The following SEC16B variants were observed in gnomAD, a reference collection of about 807,000 sequenced individuals.
SEC16B encodes the protein protein transport protein Sec16B.
A neutral mutation model predicts 141.8 loss-of-function variants in SEC16B; 115 were observed. That is an observed-to-expected ratio of 0.81 (90% CI 0.70 to 0.95). SEC16B has a LOEUF of 0.95. Among genes scored for constraint, SEC16B ranks in the 40% least tolerant of loss-of-function variants. The pLI, the probability that SEC16B is intolerant of heterozygous loss-of-function variation, is 0.00. For missense variants in SEC16B, 1,291 were observed against 1,312.3 expected (o/e 0.98, Z 0.25); for synonymous variants, 493 against 492.5 (o/e 1.00, Z -0.01).
intron 10 of SEC16B, among the ~76,000 whole-genome samples, chr1:177,957,108 A>T (rs565731546): frequency 1.3e-5 from 2 of 152,322 alleles, no homozygotes; most frequent in East Asian, 3.9e-4. Context: ...TGGTGTATAT[A>T]TAAAGAACCT....
intron 24 of SEC16B, among the ~76,000 whole-genome samples, chr1:177,931,211 G>A (rs9970545): frequency 0.017 from 2,543 of 152,154 alleles, 79 homozygotes; most frequent in African/African-American, 0.055. Context: ...AAGAAAATGC[G>A]GTATACGTAT....
At chr1:177,931,338 A>G (rs989454316) in intron 24 of SEC16B, among the ~76,000 whole-genome samples, 1 of 152,180 alleles carries the variant, frequency 6.6e-6, no homozygotes, top group Non-Finnish European at 1.5e-5. Flanking sequence ...ACCGAAAACC[A>G]TATGTTCTCA....
At position 177,961,687 on chromosome 1, in the gene SEC16B, A is replaced by G. The variant is rs201674055; in HGVS notation, c.690T>C (p.Gly230=). 13 of 1,613,954 alleles carry G rather than the reference A, an allele frequency of 8.1e-6. No individual in the cohort carries two copies. In the African/African-American group the frequency reaches 1.5e-4, roughly 18 times the overall value. The change falls in exon 6 of 26, where the codon GGT becomes GGC. Residue 230 remains glycine (G), a synonymous_variant. Transcript: ENST00000308284. ...ESNLLQQRES[G]LSSSSYELSQ... is the part of the protein sequence containing the mutation. The stretch of plus-strand genomic sequence containing the variant: ...TGAGCTCATAGCTGCTGGAGCTGAG[A>G]CCAGACTCACGCTGCTGGAGAAGGT...
chr1:177,949,327 A>T (rs1036177293), intron 12 of SEC16B, among the ~76,000 whole-genome samples: 5 of 151,010 alleles, frequency 3.3e-5, no homozygotes, highest in Admixed American at 1.3e-4. Context: ...ATGTAAGCCA[A>T]ACTGCTTCTT....
intron 12 of SEC16B, among the ~76,000 whole-genome samples, chr1:177,948,166 C>T (rs1214475218): frequency 6.6e-6 from 1 of 152,164 alleles, no homozygotes; most frequent in Non-Finnish European, 1.5e-5. Context: ...TACATACATA[C>T]ATTCACAGGG....
upstream of SEC16B, among the ~76,000 whole-genome samples, chr1:177,970,436 C>T (rs986828380): frequency 6.6e-6 from 1 of 152,216 alleles, no homozygotes; most frequent in African/African-American, 2.4e-5. Flanking sequence ...GGTAAAGCAG[C>T]ACATGATATA....
chr1:177,932,992 C>G (rs1488650262), intron 22 of SEC16B, among the ~76,000 whole-genome samples, 186 bp from the exon 23 acceptor site: 1 of 152,192 alleles, frequency 6.6e-6, no homozygotes, highest in Non-Finnish European at 1.5e-5. Context: ...TACTGCTGAC[C>G]CTCTAAAGTT....
intron 2 of SEC16B, among the ~76,000 whole-genome samples, chr1:177,967,430 C>G (rs1653618967): frequency 6.6e-6 from 1 of 152,174 alleles, no homozygotes; most frequent in Non-Finnish European, 1.5e-5. Flanking sequence ...CCTCCCCAAG[C>G]CCCCATACCC....
chr1:177,933,125 G>A, intron 22 of SEC16B, 89 bp downstream of exon 22: 2 of 1,055,748 alleles, frequency 1.9e-6, no homozygotes, highest in East Asian at 2.6e-5. Context: ...GTAGACTCAG[G>A]TGCCAGCTCT....
chr1:177,958,282 C>CACTTGT lies in SEC16B; in HGVS notation c.1214_1215insACAAGT (p.Val405_Ala406insGlnVal). On this transcript the variant is annotated inframe_insertion, in exon 10 of 26. Transcript: ENST00000308284. ...CATCGGTCAGGTTGATGAGGTTGGC[C>CACTTGT]ACAGGGGGCTGCCGCTTGTACTTCT... is the stretch of plus-strand genomic sequence containing the variant. The CACTTGT allele has an allele frequency of 6.2e-7, 1 of 1,610,586 alleles. No individual in the cohort carries two copies.
upstream of SEC16B, among the ~76,000 whole-genome samples, chr1:177,972,571 T>C (rs1218261050): frequency 6.6e-6 from 1 of 152,148 alleles, no homozygotes; most frequent in Non-Finnish European, 1.5e-5. Flanking sequence ...GTCCTCATAC[T>C]TGATTCCTGC....
chr1:177,978,644 C>T (rs550057286), intron 1 of SEC16B, among the ~76,000 whole-genome samples: 189 of 151,880 alleles, frequency 1.2e-3, no homozygotes, highest in African/African-American at 4.4e-3. Context: ...TTCAAAGTTG[C>T]AGTGAACTAT....
At chr1:177,944,770 T>C in intron 14 of SEC16B, 104 bp from the exon 15 acceptor site, 4 of 923,056 alleles carry the variant, frequency 4.3e-6, no homozygotes, top group Non-Finnish European at 5.1e-6. Context: ...ATGGGGGAGT[T>C]TCCATCCTGG....
upstream of SEC16B, among the ~76,000 whole-genome samples, chr1:177,970,734 C>T (rs1653905224): frequency 6.6e-6 from 1 of 152,210 alleles, no homozygotes; most frequent in African/African-American, 2.4e-5. Flanking sequence ...TTGAAATATA[C>T]ATTTCTTCTG....
At chr1:177,977,863 C>T (rs1280855771) in intron 1 of SEC16B, among the ~76,000 whole-genome samples, 1 of 152,026 alleles carries the variant, frequency 6.6e-6, no homozygotes. Context: ...CTCTATGAGC[C>T]CATCTTTTAA....
intron 25 of SEC16B, among the ~76,000 whole-genome samples, 163 bp downstream of exon 25, chr1:177,930,382 C>T (rs1467531613): frequency 6.6e-6 from 1 of 152,194 alleles, no homozygotes; most frequent in African/African-American, 2.4e-5. Flanking sequence ...GAGCTAGCTA[C>T]TACTAATCCC....
chr1:177,953,718 T>C (rs74991717), intron 11 of SEC16B, among the ~76,000 whole-genome samples: 4 of 152,198 alleles, frequency 2.6e-5, no homozygotes, highest in South Asian at 2.1e-4. Flanking sequence ...CAGATCACAG[T>C]GTGCTGGCGT....
chr1:177,979,669 A>G (rs1557999259), intron 1 of SEC16B, among the ~76,000 whole-genome samples: 1 of 152,256 alleles, frequency 6.6e-6, no homozygotes, highest in Admixed American at 6.5e-5. Flanking sequence ...GCTGATAAAG[A>G]TATACCCAAG....
intron 1 of SEC16B, among the ~76,000 whole-genome samples, chr1:177,975,417 G>T (rs1408680445): frequency 2.0e-5 from 3 of 152,156 alleles, no homozygotes; most frequent in Admixed American, 2.0e-4. Flanking sequence ...TATTGAAAGA[G>T]AGTTTCCAGA....
Sources: allele counts gnomAD v4.1 joint callset (sites outside exome capture counted in the v4.1 genomes callset), GRCh38; gene constraint gnomAD v4.1.1; transcripts MANE v1.5; gene names NCBI Gene and HGNC (gene_info 2026-07-23, HGNC 2026-07-21).